EPB41: variants seen among roughly 807,000 people sequenced by gnomAD.
EPB41 encodes the protein erythrocyte membrane protein band 4.1, also known as protein 4.1.
Under a neutral mutation model 108.0 loss-of-function variants are expected in EPB41, and 65 were observed. That is an observed-to-expected ratio of 0.60 (90% CI 0.49 to 0.74). The LOEUF is 0.74. EPB41 is among the 30% of genes least tolerant of loss of function. EPB41 has a pLI of 0.00. For synonymous variants in EPB41, 336 were observed against 358.9 expected, an observed-to-expected ratio of 0.94 and a Z score of 0.72; for missense variants, 875 against 1,037.0, an observed-to-expected ratio of 0.84 and a Z score of 2.15.
At position 29,006,532 on chromosome 1, in the gene EPB41, C is replaced by T. The variant is rs543784135; in HGVS notation, c.787-5333C>T. ...GATTACAGGTGTGAGCCACTGCGCC[C>T]GGCCAAAGAATTTTTTAAAAGTGAA... On this transcript the variant is annotated intron_variant, in intron 4 of 20. Transcript: ENST00000343067. 2.3e-4 allele frequency among the ~76,000 whole-genome samples: 35 copies of T among 152,012 alleles called. No homozygotes were observed. In the Middle Eastern group the frequency reaches 0.014, roughly 59 times the overall value.
intron 8 of EPB41, 115 bp from the exon 9 acceptor site, chr1:29,032,978 T>TTC (rs2096809155): frequency 9.5e-7 from 1 of 1,050,262 alleles, no homozygotes; most frequent in African/African-American, 1.6e-5. Context: ...AGCTTTATTT[T>TTC]TCATTGTATG....
chr1:28,969,277 G>T (rs559002300), intron 1 of EPB41, among the ~76,000 whole-genome samples: 1 of 151,658 alleles, frequency 6.6e-6, no homozygotes, highest in Admixed American at 6.6e-5. Flanking sequence ...TAGAGACAGG[G>T]TCTCACCATG....
At chr1:29,070,411 G>A in intron 16 of EPB41, 1 of 1,232,082 alleles carries the variant, frequency 8.1e-7, no homozygotes, top group South Asian at 4.1e-5. Flanking sequence ...AAATTAAAAG[G>A]CAAGAAAGAT....
In EPB41 at chr1:29,078,228, A is replaced by AAAAAGAGGGGG. The variant is rs1244625263; in HGVS notation, c.2184+13071_2184+13081dup. On this transcript the variant is annotated intron_variant, in intron 16 of 20. Transcript: ENST00000343067. ...AGCAAGATTCCGTCTCAAAAAAAAG[A>AAAAAGAGGGGG]AAAAGAGGGGGTGAGATTTGGCCTG... is the stretch of plus-strand genomic sequence containing the variant. 2.6e-5 allele frequency among the ~76,000 whole-genome samples: 4 copies of AAAAAGAGGGGG among 152,160 alleles called. 1 individual carries two copies. The East Asian group carries it at 7.7e-4, about 29-fold the overall frequency.
At chr1:28,976,816 T>C (rs1362781991) in intron 1 of EPB41, among the ~76,000 whole-genome samples, 1 of 152,160 alleles carries the variant, frequency 6.6e-6, no homozygotes, top group Non-Finnish European at 1.5e-5. Context: ...GCACTTCAAG[T>C]CTCTTTCTAT....
At chr1:29,076,390 A>T (rs551245343) in intron 16 of EPB41, among the ~76,000 whole-genome samples, 2 of 152,262 alleles carry the variant, frequency 1.3e-5, no homozygotes, top group East Asian at 3.9e-4. Flanking sequence ...AGGCTTTGGA[A>T]TTTTTTTAGA....
Position 29,116,891 on chromosome 1 carries a change from C to T in EPB41, c.*79C>T, listed in dbSNP as rs914659024. ...GCAAAATGATAAAGAAGCTAACCTG[C>T]CATAGTCAGACTTCAGACTTTCAAG... is the stretch of plus-strand genomic sequence containing the variant. On this transcript the variant is annotated 3_prime_UTR_variant, in exon 21 of 21. Transcript: ENST00000343067. The T allele has an allele frequency of 2.0e-5, 3 of 152,180 alleles. No individual in the cohort carries two copies. Among genetic ancestry groups the T allele is most frequent in the African/African-American group, 7.2e-5 (3 of 41,444 alleles). The allele number at this position is 152,180 out of a possible 1,614,324, so 9.4% of individuals were successfully genotyped here. A position where few individuals can be genotyped will look rare whatever the true frequency, so the allele number is the denominator to read the frequency against.
At chr1:28,984,995 C>T (rs1349081915) in intron 1 of EPB41, among the ~76,000 whole-genome samples, 5 of 149,360 alleles carry the variant, frequency 3.3e-5, no homozygotes, top group Admixed American at 1.4e-4. Flanking sequence ...GATGGAGTCT[C>T]GCTCTGTTGC....
intron 1 of EPB41, among the ~76,000 whole-genome samples, chr1:28,926,097 C>G (rs1294605453): frequency 6.6e-6 from 1 of 151,582 alleles, no homozygotes; most frequent in African/African-American, 2.4e-5. Context: ...GTAATCCCAG[C>G]ACTTTGGGAG....
chr1:28,993,306 CT>C (rs1311768331), intron 2 of EPB41, 23 bp from the exon 3 acceptor site: 7 of 1,589,680 alleles, frequency 4.4e-6, no homozygotes, highest in Non-Finnish European at 6.0e-6. Context: ...TTATTACTGA[CT>C]TGGCGATGTC....
chr1:29,049,571 A>C (rs1462143668), intron 11 of EPB41, among the ~76,000 whole-genome samples: 1 of 152,144 alleles, frequency 6.6e-6, no homozygotes, highest in East Asian at 1.9e-4. Flanking sequence ...AGAGGACACA[A>C]ATGATTTATG....
intron 16 of EPB41, chr1:29,068,729 C>T: frequency 3.2e-6 from 4 of 1,231,850 alleles, no homozygotes; most frequent in Non-Finnish European, 4.0e-6. Context: ...TTGTGTATGA[C>T]CAGGTGAAGA....
intron 1 of EPB41, among the ~76,000 whole-genome samples, chr1:28,968,979 C>A (rs1050889645): frequency 6.7e-6 from 1 of 149,794 alleles, no homozygotes; most frequent in East Asian, 2.1e-4. Flanking sequence ...ACCCCCCACC[C>A]CCCAAAAAAA....
intron 11 of EPB41, among the ~76,000 whole-genome samples, chr1:29,042,484 TTTTG>T (rs1028601399): frequency 1.3e-5 from 2 of 151,954 alleles, no homozygotes; most frequent in African/African-American, 4.8e-5. Flanking sequence ...TTTTGTTTTG[TTTTG>T]TTTTTTTTGA....
At chr1:29,079,867 C>T (rs1266605709) in intron 16 of EPB41, among the ~76,000 whole-genome samples, 4 of 151,740 alleles carry the variant, frequency 2.6e-5, no homozygotes, top group Non-Finnish European at 4.4e-5. Flanking sequence ...CATGATTGCG[C>T]GGGCCTGTAG....
At chr1:29,057,741 A>T (rs1645802086) in intron 12 of EPB41, among the ~76,000 whole-genome samples, 1 of 152,080 alleles carries the variant, frequency 6.6e-6, no homozygotes, top group Non-Finnish European at 1.5e-5. Flanking sequence ...TGTTTTTTTT[A>T]AATAATTGCT....
chr1:28,987,743 A>G lies in EPB41; in HGVS notation c.306A>G (p.Val102=), dbSNP rs968524834. 1 of 1,614,214 alleles carries G rather than the reference A, an allele frequency of 6.2e-7. No individual in the cohort carries two copies. Among genetic ancestry groups the G allele is most frequent in the Admixed American group, 1.7e-5 (1 of 60,020 alleles). ...SQVSEEEGKE[V]ESDKEKGEGG... The stretch of plus-strand genomic sequence containing the variant: ...TGTCCGAGGAAGAAGGCAAAGAAGT[A>G]GAGTCAGATAAAGAAAAAGGTGAAG... The change falls in exon 2 of 21, where the codon GTA becomes GTG. Residue 102 remains valine (V), a synonymous_variant. Transcript: ENST00000343067.
At position 29,051,127 on chromosome 1, in the gene EPB41, CT is replaced by C. The variant is rs1265790709; in HGVS notation, c.1637-1976del. Among the ~76,000 whole-genome samples, 3 of 98,958 alleles carry C rather than the reference CT, an allele frequency of 3.0e-5. No individual in the cohort carries two copies. The East Asian group carries it at 1.0e-3, about 33-fold the overall frequency. 64.9% of individuals were successfully genotyped at this position (98,958 alleles called of 152,430 possible). ...TTTTTTTTTTTTTTTTGGAGACAGTCTGGCTCTGTTGCCCAGGCTGGAGTGC... is the reference window on the plus strand; with the variant it reads ...TTTTTTTTTTTTTTTTGGAGACAGTCGGCTCTGTTGCCCAGGCTGGAGTGC... On this transcript the variant is annotated intron_variant, in intron 11 of 20. Transcript: ENST00000343067.
intron 1 of EPB41, among the ~76,000 whole-genome samples, chr1:28,916,700 T>A (rs532518532): frequency 1.2e-4 from 19 of 152,336 alleles, no homozygotes; most frequent in Admixed American, 9.1e-4. Context: ...CTCTGTCTTC[T>A]ACCAACAAAA....
Sources: allele counts gnomAD v4.1 joint callset (sites outside exome capture counted in the v4.1 genomes callset), GRCh38; gene constraint gnomAD v4.1.1; transcripts MANE v1.5; gene names NCBI Gene and HGNC (gene_info 2026-07-23, HGNC 2026-07-21).